ZNF610: variants seen among roughly 807,000 people sequenced by gnomAD.
ZNF610 encodes the protein zink finger protein.
In ZNF610, 14 loss-of-function variants were observed where a neutral mutation model predicts 14.1. The observed-to-expected ratio is 0.99, with a 90% CI of 0.65 to 1.55. ZNF610 has a LOEUF of 1.55. ZNF610 is among the 40% of genes most tolerant of loss of function. The pLI is 0.00. For missense variants in ZNF610, 530 were observed against 558.0 expected, an observed-to-expected ratio of 0.95 and a Z score of 0.51; for synonymous variants, 185 against 187.6, an observed-to-expected ratio of 0.99 and a Z score of 0.11.
At position 52,365,579 on chromosome 19, in the gene ZNF610, C is replaced by A. The variant is rs1015017710; in HGVS notation, c.320-119C>A. 3.3e-6 allele frequency: 3 copies of A among 906,590 alleles called. No individual in the cohort carries two copies. In the East Asian group the frequency reaches 7.3e-5, roughly 22 times the overall value. 56.2% of individuals were successfully genotyped at this position (906,590 alleles called of 1,614,324 possible). ...TTTTCAGCTCTCACAATGTGACATG[C>A]AAAGTATGCCGATACTTCTTCCAGT... On this transcript the variant is annotated intron_variant, in intron 5 of 5. Coordinates refer to ENST00000403906, the MANE Select transcript of ZNF610 (RefSeq NM_001161425.2).
At chr19:52,356,305 T>G (rs1208440535) in intron 5 of ZNF610, among the ~76,000 whole-genome samples, 1 of 152,190 alleles carries the variant, frequency 6.6e-6, no homozygotes, top group East Asian at 1.9e-4. Context: ...AGAAAGACCC[T>G]GTATTCGATC....
At chr19:52,361,042 A>G (rs1214363462) in intron 5 of ZNF610, among the ~76,000 whole-genome samples, 1 of 152,068 alleles carries the variant, frequency 6.6e-6, no homozygotes, top group Non-Finnish European at 1.5e-5. Flanking sequence ...TTTTGTTAGT[A>G]GTTATTTGAT....
At chr19:52,348,389 T>G (rs1985067525) in intron 2 of ZNF610, among the ~76,000 whole-genome samples, 1 of 152,238 alleles carries the variant, frequency 6.6e-6, no homozygotes. Context: ...TGTTTGTTAC[T>G]TTTTGGTTTC....
intron 5 of ZNF610, among the ~76,000 whole-genome samples, chr19:52,360,138 T>C (rs942211743): frequency 2.6e-5 from 4 of 152,132 alleles, no homozygotes; most frequent in African/African-American, 9.7e-5. Flanking sequence ...TCAGCATTCT[T>C]TCCCCCAGAC....
chr19:52,352,436 CTG>C (rs1204127077), intron 3 of ZNF610, among the ~76,000 whole-genome samples: 5 of 152,124 alleles, frequency 3.3e-5, no homozygotes, highest in Non-Finnish European at 5.9e-5. Context: ...CGGGATTTCT[CTG>C]TGTTGATCAG....
At chr19:52,335,334 C>T (rs139906923), upstream of ZNF610, among the ~76,000 whole-genome samples, 24 of 152,262 alleles carry the variant, frequency 1.6e-4, no homozygotes, top group Admixed American at 3.9e-4. Flanking sequence ...CAGGACCCAT[C>T]GCCGAACGAT....
At chr19:52,342,804 C>A (rs1984750022) in intron 1 of ZNF610, among the ~76,000 whole-genome samples, 1 of 152,102 alleles carries the variant, frequency 6.6e-6, no homozygotes, top group Non-Finnish European at 1.5e-5. Context: ...AGATTACAGG[C>A]GTGAGCCACC....
At chr19:52,351,672 T>C (rs968574607) in intron 3 of ZNF610, among the ~76,000 whole-genome samples, 1 of 152,132 alleles carries the variant, frequency 6.6e-6, no homozygotes, top group Non-Finnish European at 1.5e-5. Flanking sequence ...CTCTGCAGCC[T>C]GTGTGAGGCC....
At chr19:52,341,082 A>G (rs1435062303) in intron 1 of ZNF610, among the ~76,000 whole-genome samples, 3 of 152,094 alleles carry the variant, frequency 2.0e-5, no homozygotes, top group Admixed American at 6.5e-5. Flanking sequence ...CCATTTTTCA[A>G]TCTTTAAAAC....
intron 5 of ZNF610, among the ~76,000 whole-genome samples, chr19:52,365,169 G>A (rs745470294): frequency 1.1e-4 from 17 of 151,776 alleles, no homozygotes; most frequent in Non-Finnish European, 1.8e-4. Flanking sequence ...AATTGCTTGC[G>A]GAGGTTGCAG....
upstream of ZNF610, among the ~76,000 whole-genome samples, chr19:52,334,341 C>A (rs1243536506): frequency 6.6e-5 from 2 of 30,494 alleles, no homozygotes; most frequent in African/African-American, 1.7e-4. Context: ...AGTGAAATCC[C>A]GTCTCTACTA....
At position 52,366,014 on chromosome 19, in the gene ZNF610, T is replaced by A; in HGVS notation, c.636T>A (p.Val212=). 1 of 1,614,116 alleles carries A rather than the reference T, an allele frequency of 6.2e-7. No individual in the cohort carries two copies. Among genetic ancestry groups the A allele is most frequent in the Non-Finnish European group, 8.5e-7 (1 of 1,180,018 alleles). The change falls in exon 6 of 6, where the codon GTT becomes GTA. Residue 212 remains valine (V), a synonymous_variant. Transcript: ENST00000403906. ...YEYECSEDGE[V]FRVRASLTNH... ...ATGAATGTAGTGAAGATGGTGAAGT[T>A]TTTAGAGTCCGTGCAAGCCTTACTA...
chr19:52,351,831 C>T (rs929518387), intron 3 of ZNF610, among the ~76,000 whole-genome samples: 1 of 152,202 alleles, frequency 6.6e-6, no homozygotes, highest in South Asian at 2.1e-4. Flanking sequence ...AACGTTGTCC[C>T]TCAGGAGAAA....
chr19:52,339,514 C>CG (rs1555800762), intron 1 of ZNF610, among the ~76,000 whole-genome samples: 8 of 152,108 alleles, frequency 5.3e-5, no homozygotes, highest in Non-Finnish European at 1.0e-4. Flanking sequence ...CCTGCAAGCG[C>CG]TTTTTAACAA....
chr19:52,336,724 C>A (rs540212316), intron 1 of ZNF610, among the ~76,000 whole-genome samples: 12 of 152,308 alleles, frequency 7.9e-5, no homozygotes, highest in African/African-American at 2.6e-4. Context: ...CCCCACACTT[C>A]TAATAATTCA....
chr19:52,338,515 T>C (rs1568643957), intron 1 of ZNF610, among the ~76,000 whole-genome samples: 1 of 152,060 alleles, frequency 6.6e-6, no homozygotes, highest in Non-Finnish European at 1.5e-5. Flanking sequence ...TGAAACCCCA[T>C]CTCTACTGAA....
At chr19:52,333,470 G>A (rs754361747), upstream of ZNF610, among the ~76,000 whole-genome samples, 1 of 152,192 alleles carries the variant, frequency 6.6e-6, no homozygotes, top group Non-Finnish European at 1.5e-5. Context: ...TGGGCAGCCC[G>A]TAGCAAAATT....
At chr19:52,343,021 C>G (rs1416077910) in intron 1 of ZNF610, among the ~76,000 whole-genome samples, 1 of 151,846 alleles carries the variant, frequency 6.6e-6, no homozygotes, top group Admixed American at 6.6e-5. Flanking sequence ...CTCCTGAATT[C>G]CAGAATCCTG....
chr19:52,358,144 A>G (rs540921605), intron 5 of ZNF610, among the ~76,000 whole-genome samples: 1 of 152,260 alleles, frequency 6.6e-6, no homozygotes, highest in East Asian at 1.9e-4. Context: ...TTTGTAGCAT[A>G]TAAAGAAATT....
Sources: allele counts gnomAD v4.1 joint callset (sites outside exome capture counted in the v4.1 genomes callset), GRCh38; gene constraint gnomAD v4.1.1; transcripts MANE v1.5; gene names NCBI Gene and HGNC (gene_info 2026-07-23, HGNC 2026-07-21).